CHST9: variants seen among roughly 807,000 people sequenced by gnomAD.
CHST9 encodes GalNAc-4-sulfotransferase 2.
CHST9 carries 41 observed loss-of-function variants against 44.4 expected under a neutral mutation model. That is an observed-to-expected ratio of 0.92 (90% CI 0.72 to 1.20). CHST9 has a LOEUF of 1.20. Ranked by LOEUF, CHST9 falls within the 50% of genes most tolerant of loss-of-function variation. CHST9 has a pLI of 0.00. For synonymous variants in CHST9, 171 were observed against 178.4 expected (o/e 0.96, Z 0.33); for missense variants, 504 against 516.5 (o/e 0.98, Z 0.23).
chr18:27,061,711 C>T (rs758675394), intron 2 of CHST9, among the ~76,000 whole-genome samples: 8 of 151,932 alleles, frequency 5.3e-5, no homozygotes, highest in Non-Finnish European at 1.0e-4. Context: ...CCCCAGTGCA[C>T]GTGCATGAGG....
At chr18:26,944,226 T>G (rs1375608339) in intron 5 of CHST9, 103 bp downstream of exon 5, 6 of 866,480 alleles carry the variant, frequency 6.9e-6, no homozygotes, top group Non-Finnish European at 1.1e-5. Flanking sequence ...ATATTGCTCA[T>G]AACTAACAGC....
chr18:27,154,982 A>T (rs9958309), intron 1 of CHST9, among the ~76,000 whole-genome samples: 2,906 of 151,722 alleles, frequency 0.019, 88 homozygotes, highest in African/African-American at 0.064. Context: ...CTCGGGAGGC[A>T]GAAGCATGAG....
At chr18:27,183,269 A>G (rs1044921569) in intron 1 of CHST9, among the ~76,000 whole-genome samples, 4 of 152,204 alleles carry the variant, frequency 2.6e-5, no homozygotes, top group Admixed American at 2.0e-4. Context: ...ACTGAACTTG[A>G]GTCAACATTG....
intron 2 of CHST9, among the ~76,000 whole-genome samples, chr18:27,060,850 T>C (rs1483462376): frequency 6.6e-6 from 1 of 152,178 alleles, no homozygotes; most frequent in Non-Finnish European, 1.5e-5. Flanking sequence ...TAAACTCAAA[T>C]TCCTGGGCTC....
intron 2 of CHST9, among the ~76,000 whole-genome samples, chr18:27,098,224 T>C (rs1598722773): frequency 6.6e-6 from 1 of 151,346 alleles, no homozygotes; most frequent in East Asian, 1.9e-4. Context: ...ACATGACTGG[T>C]CATTAGAGAA....
chr18:26,940,008 C>A (rs927488323), intron 5 of CHST9, among the ~76,000 whole-genome samples: 3 of 152,134 alleles, frequency 2.0e-5, no homozygotes, highest in African/African-American at 7.2e-5. Context: ...TATATCCTCC[C>A]ACTTCAGGGG....
At chr18:27,164,456 G>A (rs1196579274) in intron 1 of CHST9, among the ~76,000 whole-genome samples, 1 of 151,764 alleles carries the variant, frequency 6.6e-6, no homozygotes, top group Non-Finnish European at 1.5e-5. Context: ...AGGAAAAAAA[G>A]CCAGGAAATT....
chr18:27,158,675 G>A lies in CHST9; in HGVS notation c.-96-15770C>T, dbSNP rs1262541103. Reference sequence around the variant, plus strand: ...TCTAGTTCAAGATCCCTGAGGAATCGCCACACTGACTTCCACAATGGTTGA... The same window carrying A: ...TCTAGTTCAAGATCCCTGAGGAATCACCACACTGACTTCCACAATGGTTGA... On this transcript the variant is annotated intron_variant, in intron 1 of 5. Transcript: ENST00000618847. Among the ~76,000 whole-genome samples the A allele has an allele frequency of 1.2e-4, 18 of 152,024 alleles. 1 individual carries two copies. Among genetic ancestry groups the A allele is most frequent in the African/African-American group, 4.1e-4 (17 of 41,474 alleles).
intron 4 of CHST9, among the ~76,000 whole-genome samples, chr18:26,982,170 A>G (rs2145192845): frequency 6.6e-6 from 1 of 152,302 alleles, no homozygotes; most frequent in Non-Finnish European, 1.5e-5. Flanking sequence ...CACTGAAAAG[A>G]TTACAGTGAT....
intron 1 of CHST9, among the ~76,000 whole-genome samples, chr18:27,168,075 C>T (rs1286363115): frequency 1.3e-5 from 1 of 79,968 alleles, no homozygotes; most frequent in Non-Finnish European, 2.7e-5. Context: ...AAGATTATAC[C>T]TATTTTTTTT....
chr18:27,105,073 TTTC>T (rs574844224), intron 2 of CHST9, among the ~76,000 whole-genome samples: 72 of 152,274 alleles, frequency 4.7e-4, no homozygotes, highest in African/African-American at 1.6e-3. Context: ...TCCTTTGTCC[TTTC>T]TTCTTTTTCT....
chr18:27,133,251 C>T (rs2058486996), intron 2 of CHST9, among the ~76,000 whole-genome samples: 1 of 152,144 alleles, frequency 6.6e-6, no homozygotes, highest in Non-Finnish European at 1.5e-5. Context: ...GTTGGGAGAA[C>T]AAACACATTC....
chr18:27,084,453 G>A (rs1223795411), intron 2 of CHST9, among the ~76,000 whole-genome samples: 1 of 85,338 alleles, frequency 1.2e-5, no homozygotes, highest in Non-Finnish European at 2.4e-5. Context: ...CATAACACTC[G>A]CTGGGTTTTT....
intron 5 of CHST9, among the ~76,000 whole-genome samples, chr18:26,940,465 T>C (rs891133510): frequency 1.3e-5 from 2 of 152,196 alleles, no homozygotes; most frequent in Non-Finnish European, 2.9e-5. Context: ...GGGAGGTTTT[T>C]CTACTTAGTT....
chr18:27,102,016 G>A (rs2058177246), intron 2 of CHST9, among the ~76,000 whole-genome samples: 2 of 152,198 alleles, frequency 1.3e-5, no homozygotes, highest in African/African-American at 4.8e-5. Context: ...GGCACAGATA[G>A]TGAGTTGCAA....
chr18:27,172,766 T>C (rs1471690430), intron 1 of CHST9, among the ~76,000 whole-genome samples: 1 of 152,078 alleles, frequency 6.6e-6, no homozygotes, highest in Non-Finnish European at 1.5e-5. Context: ...TATAATAATT[T>C]ATCAACTTAC....
chr18:27,112,881 C>A (rs2143786690), intron 2 of CHST9, among the ~76,000 whole-genome samples: 1 of 152,234 alleles, frequency 6.6e-6, no homozygotes, highest in East Asian at 1.9e-4. Flanking sequence ...TGGCAATTTG[C>A]TGCCTATATC....
intron 3 of CHST9, among the ~76,000 whole-genome samples, chr18:27,036,459 T>C (rs2057391512): frequency 6.6e-6 from 1 of 152,186 alleles, no homozygotes; most frequent in South Asian, 2.1e-4. Flanking sequence ...CATTACAGGG[T>C]TTCTATAGAA....
chr18:27,059,543 A>T (rs541615382), intron 2 of CHST9, among the ~76,000 whole-genome samples: 1 of 152,320 alleles, frequency 6.6e-6, no homozygotes, highest in South Asian at 2.1e-4. Context: ...ATGAGTCCAA[A>T]CAGAATCTAT....
Sources: allele counts gnomAD v4.1 joint callset (sites outside exome capture counted in the v4.1 genomes callset), GRCh38; gene constraint gnomAD v4.1.1; transcripts MANE v1.5; gene names NCBI Gene and HGNC (gene_info 2026-07-23, HGNC 2026-07-21).